The following PFKFB2 variants were observed in gnomAD, a reference collection of about 807,000 sequenced individuals.
PFKFB2 encodes the protein 6-phosphofructo-2-kinase/fructose-2,6-biphosphatase 2.
In PFKFB2, 53 loss-of-function variants were observed where a neutral mutation model predicts 68.0. That is an observed-to-expected ratio of 0.78 (90% confidence interval 0.63 to 0.98). The LOEUF is 0.98. Ranked by LOEUF, PFKFB2 falls within the 50% of genes least tolerant of loss-of-function variation. The pLI is 0.00. For missense variants in PFKFB2, 451 were observed against 642.0 expected (o/e 0.70, Z 3.22); for synonymous variants, 222 against 227.6 (o/e 0.98, Z 0.22).
chr1:207,075,312 G>A lies in PFKFB2; in HGVS notation c.*2941G>A. On this transcript the variant is annotated 3_prime_UTR_variant, in exon 15 of 15. Coordinates refer to ENST00000367080, the MANE Select transcript of PFKFB2 (RefSeq NM_006212.2). ...GTGGTCTTATCCTCAGATAGGACATGAGAAATTGGAATTTGGCAAGCAAGG... is the reference window on the plus strand; with the variant it reads ...GTGGTCTTATCCTCAGATAGGACATAAGAAATTGGAATTTGGCAAGCAAGG... 1.0e-6 allele frequency: 1 copy of A among 985,458 alleles called. No individual in the cohort carries two copies. Among genetic ancestry groups the A allele is most frequent in the South Asian group, 4.7e-5 (1 of 21,290 alleles). The allele number at this position is 985,458 out of a possible 1,614,324, so 61.0% of individuals were successfully genotyped here. A position where few individuals can be genotyped will look rare whatever the true frequency, so the allele number is the denominator to read the frequency against.
At chr1:207,053,903 C>CTTTTTTT (rs1682831521) in intron 1 of PFKFB2, among the ~76,000 whole-genome samples, 2 of 114,802 alleles carry the variant, frequency 1.7e-5, no homozygotes, top group African/African-American at 3.6e-5. Flanking sequence ...TTTCATTTTT[C>CTTTTTTT]ATTTTTTTTT....
chr1:207,052,112 G>A, upstream of PFKFB2: 1 of 1,328,662 alleles, frequency 7.5e-7, no homozygotes, highest in Non-Finnish European at 1.1e-6. Context: ...CTTGCCAAGA[G>A]TGGGTTTATC....
intron 7 of PFKFB2, 40 bp from the exon 8 acceptor site, chr1:207,064,996 A>C: frequency 6.2e-7 from 1 of 1,605,368 alleles, no homozygotes; most frequent in Non-Finnish European, 8.5e-7. Flanking sequence ...TGTTACGGGC[A>C]GACCTCTGAT....
chr1:207,074,170 C>T lies in PFKFB2; in HGVS notation c.*1799C>T. The T allele has an allele frequency of 5.1e-6, 5 of 984,880 alleles. No individual in the cohort carries two copies. Among genetic ancestry groups the T allele is most frequent in the Non-Finnish European group, 6.0e-6 (5 of 829,468 alleles). 61.0% of individuals were successfully genotyped at this position (984,880 alleles called of 1,614,324 possible). A position where few individuals can be genotyped will look rare whatever the true frequency, so the allele number is the denominator to read the frequency against. ...TGATTCATAGCTCGGGTTAAGAACTCCACCTTAGGAAGTTAGGTGGAAAAA... is the reference window on the plus strand; with the variant it reads ...TGATTCATAGCTCGGGTTAAGAACTTCACCTTAGGAAGTTAGGTGGAAAAA... On this transcript the variant is annotated 3_prime_UTR_variant, in exon 15 of 15. Transcript: ENST00000367080.
In PFKFB2 at chr1:207,071,261, A is replaced by T. The variant is rs750577363; in HGVS notation, c.1285+11A>T. 4 of 1,603,888 alleles carry T rather than the reference A, an allele frequency of 2.5e-6. No individual in the cohort carries two copies. The East Asian group carries it at 8.9e-5, about 36-fold the overall frequency. On this transcript the variant is annotated intron_variant, in intron 13 of 14. Transcript: ENST00000367080. ...CTCCTGTGGCCTATGGTAACTATGC[A>T]CATAGGGGCTGGCAGGAGCTGGGAA...
upstream of PFKFB2, chr1:207,049,448 G>A (rs1350509502): frequency 6.2e-7 from 1 of 1,614,130 alleles, no homozygotes; most frequent in Admixed American, 1.7e-5. Context: ...CAGTACTCTT[G>A]ATTTGTTTTT....
chr1:207,051,638 G>A (rs1025069680), upstream of PFKFB2, among the ~76,000 whole-genome samples: 3 of 152,186 alleles, frequency 2.0e-5, no homozygotes, highest in Non-Finnish European at 4.4e-5. Flanking sequence ...AGGAGGAGTC[G>A]TGTAACGCGT....
chr1:207,055,578 C>A lies in PFKFB2; in HGVS notation c.85+776C>A, dbSNP rs1476790513. 2.0e-5 allele frequency among the ~76,000 whole-genome samples: 3 copies of A among 152,160 alleles called. No individual in the cohort carries two copies. The East Asian group carries it at 5.8e-4, about 29-fold the overall frequency. On this transcript the variant is annotated intron_variant, in intron 2 of 14. Transcript: ENST00000367080. ...AACTTCAAGGAATGCTAACTCTTGC[C>A]TCTGCTTCTGGATGGCACCATTCCT...
chr1:207,080,910 A>C (rs12091658), downstream of PFKFB2: 1 of 152,122 alleles, frequency 6.6e-6, no homozygotes, highest in East Asian at 1.9e-4. Context: ...AAACCAAGAG[A>C]TGCATTTCTC....
chr1:207,057,350 C>T (rs567209833), intron 2 of PFKFB2, among the ~76,000 whole-genome samples: 97 of 139,824 alleles, frequency 6.9e-4, no homozygotes, highest in Middle Eastern at 3.8e-3. Context: ...TGGTGGCGGG[C>T]GCCTGTAGTC....
upstream of PFKFB2, chr1:207,048,918 G>T: frequency 9.4e-7 from 1 of 1,069,268 alleles, no homozygotes; most frequent in Non-Finnish European, 1.4e-6. Flanking sequence ...GATGGTTCAA[G>T]CATTGTATCC....
rs1683549476 is a variant in PFKFB2, at chr1:207,074,032, A to G, written c.*1661A>G. 2.1e-6 allele frequency: 2 copies of G among 950,786 alleles called. No individual in the cohort carries two copies. The highest frequency in any genetic ancestry group is 1.3e-6 in the Non-Finnish European group (1 of 798,352). The allele number at this position is 950,786 out of a possible 1,614,324, so 58.9% of individuals were successfully genotyped here. A position where few individuals can be genotyped will look rare whatever the true frequency, so the allele number is the denominator to read the frequency against. ...AGGAGTATTCCTTAGAATTGCCTTTAGGATTGTTGAATCATAAACATGCCT... is the reference window on the plus strand; with the variant it reads ...AGGAGTATTCCTTAGAATTGCCTTTGGGATTGTTGAATCATAAACATGCCT... On this transcript the variant is annotated 3_prime_UTR_variant, in exon 15 of 15. Coordinates refer to ENST00000367080, the MANE Select transcript of PFKFB2 (RefSeq NM_006212.2).
intron 2 of PFKFB2, among the ~76,000 whole-genome samples, chr1:207,058,611 T>C (rs1011778295): frequency 1.3e-5 from 2 of 152,342 alleles, no homozygotes; most frequent in South Asian, 4.1e-4. Context: ...AATCTTTTTT[T>C]TAAAATACAT....
In PFKFB2 at chr1:207,073,195, C is replaced by T. The variant is rs769829151; in HGVS notation, c.*824C>T. ...CTGGCTCTGAGCATGTGGGAAATGTCTTGGTTTTTATTTTTAATTTAGAGT... is the reference window on the plus strand; with the variant it reads ...CTGGCTCTGAGCATGTGGGAAATGTTTTGGTTTTTATTTTTAATTTAGAGT... On this transcript the variant is annotated 3_prime_UTR_variant, in exon 15 of 15. Coordinates refer to ENST00000367080, the MANE Select transcript of PFKFB2 (RefSeq NM_006212.2). 1 of 985,498 alleles carries T rather than the reference C, an allele frequency of 1.0e-6. No individual in the cohort carries two copies. The highest frequency in any genetic ancestry group is 1.2e-6 in the Non-Finnish European group (1 of 830,020). 61.0% of individuals were successfully genotyped at this position (985,498 alleles called of 1,614,324 possible).
upstream of PFKFB2, chr1:207,050,907 G>A (rs746000674): frequency 1.2e-5 from 19 of 1,605,026 alleles, no homozygotes; most frequent in South Asian, 2.1e-4. Flanking sequence ...GTGTCGGTCC[G>A]GCTGCCCACA....
At chr1:207,047,508 G>A (rs934197266) in intron 2 of PFKFB2, 5 of 152,576 alleles carry the variant, frequency 3.3e-5, no homozygotes, top group Admixed American at 3.3e-4. Context: ...GAATTTCTAA[G>A]TGAGATACTT....
intron 2 of PFKFB2, among the ~76,000 whole-genome samples, chr1:207,061,255 C>T (rs1683109570): frequency 7.3e-6 from 1 of 137,056 alleles, no homozygotes; most frequent in South Asian, 2.3e-4. Flanking sequence ...GAACTCCTGG[C>T]CTCAAGTGAT....
intron 7 of PFKFB2, among the ~76,000 whole-genome samples, chr1:207,064,031 G>C (rs192051497): frequency 6.6e-6 from 1 of 152,204 alleles, no homozygotes; most frequent in South Asian, 2.1e-4. Context: ...CTTCTCTTGG[G>C]AGAGGAAACT....
chr1:207,050,745 C>T (rs1370721597), upstream of PFKFB2: 3 of 1,613,246 alleles, frequency 1.9e-6, no homozygotes, highest in African/African-American at 1.3e-5. Flanking sequence ...TCCAGGCACT[C>T]GGGAGGGTAT....
Sources: allele counts gnomAD v4.1 joint callset (sites outside exome capture counted in the v4.1 genomes callset), GRCh38; gene constraint gnomAD v4.1.1; transcripts MANE v1.5; gene names NCBI Gene and HGNC (gene_info 2026-07-23, HGNC 2026-07-21).